Variants in TTC21B observed in about 807,000 individuals in gnomAD.
TTC21B encodes tetratricopeptide repeat protein 21B.
In TTC21B, 127 loss-of-function variants were observed where a neutral mutation model predicts 175.1. That is an observed-to-expected ratio of 0.73 (90% CI 0.63 to 0.84). The LOEUF (loss-of-function observed/expected upper bound fraction) is 0.84. Among genes scored for constraint, TTC21B ranks in the 40% least tolerant of loss-of-function variants. The probability of loss-of-function intolerance (pLI) is 0.00; values close to 1 mark genes in which losing one functional copy is unlikely to be tolerated. For synonymous variants in TTC21B, 524 were observed against 524.5 expected (o/e 1.00, Z 0.01); for missense variants, 1,561 against 1,558.3 (o/e 1.00, Z -0.03).
At chr2:165,930,035 CTT>C (rs1686828895) in intron 9 of TTC21B, 135 bp downstream of exon 9, 1 of 747,646 alleles carries the variant, frequency 1.3e-6, no homozygotes, top group Admixed American at 2.8e-5. Flanking sequence ...AAAGACATGA[CTT>C]TTTCGAGTGT....
At chr2:165,950,940 G>A (rs1356056012) in intron 1 of TTC21B, among the ~76,000 whole-genome samples, 1 of 152,088 alleles carries the variant, frequency 6.6e-6, no homozygotes, top group African/African-American at 2.4e-5. Context: ...TCTTGCTTCT[G>A]GAGGGCTATA....
intron 27 of TTC21B, among the ~76,000 whole-genome samples, chr2:165,878,942 A>G (rs569342996): frequency 1.1e-3 from 167 of 152,208 alleles, no homozygotes; most frequent in African/African-American, 3.4e-3. Context: ...TCGGCCTCCC[A>G]AAGTGTTGGG....
chr2:165,900,152 C>A (rs1384681204), intron 20 of TTC21B, among the ~76,000 whole-genome samples: 7 of 151,808 alleles, frequency 4.6e-5, no homozygotes, highest in African/African-American at 1.5e-4. Context: ...GTCTTAAAAC[C>A]ATGAGACTGG....
rs1364155246 is a variant in TTC21B at position 165,953,698 on chromosome 2, G to A, written c.8C>T (p.Ser3Leu). 35 of 1,369,096 alleles carry A rather than the reference G, an allele frequency of 2.6e-5. No homozygotes were observed. Among genetic ancestry groups the A allele is most frequent in the Non-Finnish European group, 3.3e-5 (34 of 1,041,756 alleles). 84.8% of individuals were successfully genotyped at this position (1,369,096 alleles called of 1,614,324 possible). ...TCACCCGCTCACCTTCAATTCCTGC[G>A]AGTCCATGGCTGCCCCGAGGCCGGG... is the stretch of plus-strand genomic sequence containing the variant. MD[S>L]QELKTLINYY... Residue 3 changes from serine (S) to leucine (L), a missense_variant, in exon 1 of 29, where the codon TCG becomes TTG. By Grantham distance (145) the Ser-to-Leu change is moderately radical. Transcript: ENST00000243344.
chr2:165,908,041 A>G (rs1685801334), intron 18 of TTC21B, among the ~76,000 whole-genome samples: 1 of 152,176 alleles, frequency 6.6e-6, no homozygotes, highest in East Asian at 1.9e-4. Context: ...ATATTAGGAG[A>G]TAACAATTTA....
intron 1 of TTC21B, 41 bp downstream of exon 1, chr2:165,953,644 C>CCCGT: frequency 2.9e-6 from 4 of 1,389,774 alleles, no homozygotes; most frequent in African/African-American, 3.0e-5. Flanking sequence ...AGGAACTCCG[C>CCCGT]CCGCCCGCCC....
intron 8 of TTC21B, among the ~76,000 whole-genome samples, 169 bp downstream of exon 8, chr2:165,931,589 C>A (rs1234645126): frequency 1.5e-4 from 23 of 152,116 alleles, no homozygotes; most frequent in Non-Finnish European, 2.4e-4. Flanking sequence ...CAGGTTCTTA[C>A]AGTTGGAAAC....
Position 165,929,654 on chromosome 2 carries a change from G to C in TTC21B, c.1181C>G (p.Ser394Cys), listed in dbSNP as rs748339995. Residue 394 changes from serine to cysteine, a missense_variant, in exon 10 of 29, where the codon TCT (serine) becomes TGT (cysteine). Coordinates refer to ENST00000243344, the MANE Select transcript of TTC21B (RefSeq NM_024753.5). ...LNEIQQSIGK[S>C]AELIYLHAVL... ...TGATAAAATAAAATACTGTACCGCA[G>C]ATTTTCCAATGGATTGCTGGATTTC... The C allele has an allele frequency of 6.2e-7, 1 of 1,608,582 alleles. No homozygotes were observed. Among genetic ancestry groups the C allele is most frequent in the Non-Finnish European group, 8.5e-7 (1 of 1,175,528 alleles).
intron 19 of TTC21B, among the ~76,000 whole-genome samples, chr2:165,904,352 T>G (rs186103672): frequency 1.3e-3 from 197 of 152,294 alleles, no homozygotes; most frequent in African/African-American, 4.3e-3. Context: ...TAGATAGATA[T>G]CACAGAAATC....
At chr2:165,905,429 C>T (rs572912386) in intron 19 of TTC21B, among the ~76,000 whole-genome samples, 275 of 151,782 alleles carry the variant, frequency 1.8e-3, no homozygotes, top group African/African-American at 6.4e-3. Context: ...CATAAGGACA[C>T]GTAAAATTGA....
At chr2:165,895,385 A>G (rs1210504571) in intron 22 of TTC21B, among the ~76,000 whole-genome samples, 1 of 152,216 alleles carries the variant, frequency 6.6e-6, no homozygotes, top group Non-Finnish European at 1.5e-5. Flanking sequence ...CACAAGACAC[A>G]TGAAGACTTC....
In TTC21B at chr2:165,890,599, T is replaced by G; in HGVS notation, c.3143A>C (p.Lys1048Thr). The change falls in exon 24 of 29, where the codon AAA becomes ACA. Residue 1048 changes from lysine (K) to threonine (T), a missense_variant. Transcript: ENST00000243344. ...GCCCCAGTCACGATCTTTCCGAGCT[T>G]TATTAAAATGTCGAAGGGCATCATT... ...EPNDALRHFNKARKDRDWGQN... is the reference protein window; with the variant it reads ...EPNDALRHFNTARKDRDWGQN... 1 of 1,613,836 alleles carries G rather than the reference T, an allele frequency of 6.2e-7. No individual in the cohort carries two copies. Among genetic ancestry groups the G allele is most frequent in the Non-Finnish European group, 8.5e-7 (1 of 1,179,778 alleles).
In TTC21B at chr2:165,890,634, A is replaced by C; in HGVS notation, c.3108T>G (p.Thr1036=). The C allele has an allele frequency of 1.2e-6, 2 of 1,613,682 alleles. No homozygotes were observed. Among genetic ancestry groups the C allele is most frequent in the Non-Finnish European group, 1.7e-6 (2 of 1,179,690 alleles). ...QYCKGLYLWY[T]GEPNDALRHF... ...GTCGAAGGGCATCATTTGGTTCTCC[A>C]GTGTACCTTGTTAGATGTTTAAAAG... The change falls in exon 24 of 29, where the codon ACT becomes ACG. Residue 1036 remains threonine, a synonymous_variant. Transcript: ENST00000243344.
chr2:165,885,612 C>G (rs895791689), intron 25 of TTC21B, among the ~76,000 whole-genome samples: 2 of 152,196 alleles, frequency 1.3e-5, no homozygotes, highest in Non-Finnish European at 2.9e-5. Context: ...TATTTGTCAG[C>G]CAGGTCCTAG....
intron 7 of TTC21B, among the ~76,000 whole-genome samples, chr2:165,932,233 G>A (rs569633920): frequency 1.1e-4 from 17 of 152,104 alleles, no homozygotes; most frequent in African/African-American, 4.1e-4. Flanking sequence ...CCCTTCAATT[G>A]CCTATACAGA....
chr2:165,887,880 G>A (rs1291768597), intron 25 of TTC21B, among the ~76,000 whole-genome samples: 1 of 152,128 alleles, frequency 6.6e-6, no homozygotes, highest in Non-Finnish European at 1.5e-5. Flanking sequence ...CTATATAGCT[G>A]GAAAAATTCC....
chr2:165,888,512 C>T (rs1685083697), intron 24 of TTC21B, 38 bp from the exon 25 acceptor site: 1 of 1,476,920 alleles, frequency 6.8e-7, no homozygotes, highest in Non-Finnish European at 9.4e-7. Flanking sequence ...CTGTCTCTTA[C>T]TCATGATACA....
chr2:165,914,563 T>C (rs1686072602), intron 15 of TTC21B, among the ~76,000 whole-genome samples: 1 of 152,094 alleles, frequency 6.6e-6, no homozygotes, highest in South Asian at 2.1e-4. Context: ...AACAGTTTAC[T>C]ATGATCTCAA....
intron 27 of TTC21B, among the ~76,000 whole-genome samples, chr2:165,879,054 AG>A (rs1229125647): frequency 1.3e-5 from 2 of 152,118 alleles, no homozygotes; most frequent in Non-Finnish European, 2.9e-5. Flanking sequence ...AGGCACATTG[AG>A]GGTGTTAGAT....
Sources: gnomAD v4.1 joint callset for allele counts (sites outside exome capture counted in the v4.1 genomes callset) on GRCh38, gnomAD v4.1.1 for gene constraint, MANE v1.5 for transcripts, NCBI Gene and HGNC (gene_info 2026-07-23, HGNC 2026-07-21) for gene names.